Variants in HSDL2 observed in about 807,000 individuals in gnomAD.
The protein encoded by HSDL2 is hydroxysteroid dehydrogenase-like protein 2.
In HSDL2, 27 loss-of-function variants were observed where a neutral mutation model predicts 46.3. The observed-to-expected ratio is 0.58, with a 90% CI of 0.43 to 0.80. The LOEUF (loss-of-function observed/expected upper bound fraction) is 0.80, where lower values mean the gene tolerates loss of function less well. Among genes scored for constraint, HSDL2 ranks in the 30% least tolerant of loss-of-function variants. The probability of loss-of-function intolerance (pLI) is 0.00; values close to 1 mark genes in which losing one functional copy is unlikely to be tolerated. For synonymous variants in HSDL2, 153 were observed against 163.6 expected (o/e 0.94, Z 0.50); for missense variants, 451 against 502.7 (o/e 0.90, Z 0.98).
chr9:112,447,559 C>T (rs1214262637), intron 8 of HSDL2, among the ~76,000 whole-genome samples: 1 of 152,142 alleles, frequency 6.6e-6, no homozygotes, highest in Admixed American at 6.6e-5. Context: ...ACTGCTAAAA[C>T]GAAACACATG....
intron 6 of HSDL2, among the ~76,000 whole-genome samples, chr9:112,432,320 C>G (rs7047905): frequency 0.96 from 145,912 of 152,356 alleles, 69,946 homozygotes; most frequent in African/African-American, 0.99. Flanking sequence ...ATCACTTACA[C>G]CGTTTGTAAT....
chr9:112,416,193 TGAGTCCAG>T (rs1008761363), intron 4 of HSDL2, among the ~76,000 whole-genome samples: 1 of 151,506 alleles, frequency 6.6e-6, no homozygotes, highest in Non-Finnish European at 1.5e-5. Context: ...GTAGATCGCT[TGAGTCCAG>T]GAGTTTGAGA....
chr9:112,436,242 CAAAAAAAAAA>C (rs527930574), intron 6 of HSDL2, among the ~76,000 whole-genome samples: 3 of 77,672 alleles, frequency 3.9e-5, no homozygotes, highest in Non-Finnish European at 8.1e-5. Context: ...GACCCTATCT[CAAAAAAAAAA>C]AAAAAAAAAA....
chr9:112,433,648 T>G (rs1269298130), intron 6 of HSDL2, among the ~76,000 whole-genome samples: 1 of 151,974 alleles, frequency 6.6e-6, no homozygotes. Context: ...AGTGAGGCAA[T>G]GAAAATGGAG....
Position 112,415,665 on chromosome 9 carries a change from G to C in HSDL2, c.396-1176G>C, listed in dbSNP as rs538643663. On this transcript the variant is annotated intron_variant, in intron 4 of 10. Coordinates refer to ENST00000398805, the MANE Select transcript of HSDL2 (RefSeq NM_032303.5). ...ATAACCTCAGTTGGGCTTAAGGCTA[G>C]TATATCAAGGATTTGTTTTTTTCCA... is the stretch of plus-strand genomic sequence containing the variant. 5.3e-5 allele frequency among the ~76,000 whole-genome samples: 8 copies of C among 152,298 alleles called. No individual in the cohort carries two copies. The South Asian group carries it at 1.2e-3, about 24-fold the overall frequency.
intron 8 of HSDL2, among the ~76,000 whole-genome samples, chr9:112,444,918 C>T (rs1832723914): frequency 6.9e-6 from 1 of 144,980 alleles, no homozygotes; most frequent in Non-Finnish European, 1.5e-5. Flanking sequence ...CACCCCGTTG[C>T]CCAAGCTGGA....
intron 8 of HSDL2, among the ~76,000 whole-genome samples, chr9:112,446,047 TA>T (rs567232475): frequency 3.3e-4 from 50 of 152,314 alleles, no homozygotes; most frequent in African/African-American, 1.2e-3. Flanking sequence ...TAGTTTTAGA[TA>T]TTTGCTCTTC....
intron 10 of HSDL2, among the ~76,000 whole-genome samples, chr9:112,468,728 T>A (rs1194207404): frequency 6.6e-6 from 1 of 152,190 alleles, no homozygotes; most frequent in Non-Finnish European, 1.5e-5. Context: ...ATTGTGGAAT[T>A]TTTAATTTGT....
At chr9:112,387,955 T>C (rs1161283752) in intron 1 of HSDL2, among the ~76,000 whole-genome samples, 2 of 151,764 alleles carry the variant, frequency 1.3e-5, no homozygotes, top group African/African-American at 4.8e-5. Flanking sequence ...GCCCAAGCAT[T>C]CAAGACCAGG....
intron 5 of HSDL2, among the ~76,000 whole-genome samples, chr9:112,418,495 G>C (rs578169133): frequency 6.7e-6 from 1 of 149,484 alleles, no homozygotes; most frequent in Admixed American, 6.7e-5. Flanking sequence ...AGGTGGGAGG[G>C]TTGCTTGAGC....
At chr9:112,439,359 T>C (rs1832594326) in intron 7 of HSDL2, among the ~76,000 whole-genome samples, 1 of 152,222 alleles carries the variant, frequency 6.6e-6, no homozygotes, top group South Asian at 2.1e-4. Flanking sequence ...TATTTGTCTC[T>C]TAAGCGCAGT....
intron 7 of HSDL2, among the ~76,000 whole-genome samples, chr9:112,441,074 C>T (rs146827627): frequency 1.3e-4 from 19 of 151,938 alleles, no homozygotes; most frequent in Admixed American, 9.8e-4. Flanking sequence ...GTGGCTTGCA[C>T]CTGTGGTCCC....
At chr9:112,435,974 A>T (rs1185007477) in intron 6 of HSDL2, among the ~76,000 whole-genome samples, 1 of 151,926 alleles carries the variant, frequency 6.6e-6, no homozygotes, top group Non-Finnish European at 1.5e-5. Context: ...CTGTTGGTTA[A>T]GGAAAAAATT....
intron 10 of HSDL2, among the ~76,000 whole-genome samples, chr9:112,467,706 A>G (rs1226875551): frequency 6.6e-6 from 1 of 152,192 alleles, no homozygotes; most frequent in Non-Finnish European, 1.5e-5. Flanking sequence ...TCAGTCCATG[A>G]CACTAAGCAA....
At chr9:112,447,077 G>C (rs989942334) in intron 8 of HSDL2, among the ~76,000 whole-genome samples, 2 of 152,166 alleles carry the variant, frequency 1.3e-5, no homozygotes, top group Non-Finnish European at 2.9e-5. Flanking sequence ...AATAGATTGT[G>C]TATCAGTCTA....
At chr9:112,394,033 C>T (rs1189320564) in intron 1 of HSDL2, among the ~76,000 whole-genome samples, 1 of 152,004 alleles carries the variant, frequency 6.6e-6, no homozygotes, top group Non-Finnish European at 1.5e-5. Context: ...CCAGGGATGC[C>T]GAAGAGGTAG....
Position 112,432,030 on chromosome 9 carries a change from C to A in HSDL2, c.599-6401C>A, listed in dbSNP as rs151073721. Among the ~76,000 whole-genome samples the A allele has an allele frequency of 2.5e-3, 376 of 152,216 alleles. 3 individuals carry two copies. The highest frequency in any genetic ancestry group is 8.6e-3 in the African/African-American group (356 of 41,518). On this transcript the variant is annotated intron_variant, in intron 6 of 10. Coordinates refer to ENST00000398805, the MANE Select transcript of HSDL2 (RefSeq NM_032303.5). ...GAGTAGCTGGGATTACAGGCGTGCG[C>A]CACCACACCTGGCTAATTTTTTTGT...
At chr9:112,416,993 T>C (rs1832009919) in intron 5 of HSDL2, 49 bp downstream of exon 5, 1 of 840,610 alleles carries the variant, frequency 1.2e-6, no homozygotes, top group African/African-American at 1.7e-5. Context: ...TTAATTTGTT[T>C]TGAATTAAAT....
intron 9 of HSDL2, among the ~76,000 whole-genome samples, chr9:112,455,949 G>A (rs1833011665): frequency 6.6e-6 from 1 of 152,092 alleles, no homozygotes; most frequent in Non-Finnish European, 1.5e-5. Flanking sequence ...CCAAGTACCT[G>A]GGATCTTCCT....
Sources: allele counts gnomAD v4.1 joint callset (sites outside exome capture counted in the v4.1 genomes callset), GRCh38; gene constraint gnomAD v4.1.1; transcripts MANE v1.5; gene names NCBI Gene and HGNC (gene_info 2026-07-23, HGNC 2026-07-21).